The following SEC23A variants were observed in gnomAD, a reference collection of about 807,000 sequenced individuals.
SEC23A encodes protein transport protein Sec23A.
SEC23A carries 56 observed loss-of-function variants against 103.7 expected under a neutral mutation model. That is an observed-to-expected ratio of 0.54 (90% confidence interval 0.44 to 0.67). SEC23A has a LOEUF of 0.67. SEC23A is among the 30% of genes least tolerant of loss of function. SEC23A has a pLI of 0.00. For synonymous variants in SEC23A, 281 were observed against 293.0 expected (o/e 0.96, Z 0.42); for missense variants, 784 against 936.4 (o/e 0.84, Z 2.12).
At chr14:39,072,222 ACT>A (rs1886864053) in intron 9 of SEC23A, among the ~76,000 whole-genome samples, 1 of 151,518 alleles carries the variant, frequency 6.6e-6, no homozygotes, top group Non-Finnish European at 1.5e-5. Flanking sequence ...ACAAAGTGAG[ACT>A]CTGTCTCAAA....
At chr14:39,041,137 T>C in intron 17 of SEC23A, 1 of 337,300 alleles carries the variant, frequency 3.0e-6, no homozygotes, top group Non-Finnish European at 5.3e-6. Context: ...TTTAAAACAC[T>C]ATGCTTATCA....
rs1393497306 is a variant in SEC23A at position 39,094,263 on chromosome 14, TGCATATATAC to T, written c.222-1029_222-1020del. Among the ~76,000 whole-genome samples the T allele has an allele frequency of 6.3e-5, 6 of 94,620 alleles. No individual in the cohort carries two copies. In the East Asian group the frequency reaches 1.7e-3, roughly 27 times the overall value. The allele number at this position is 94,620 out of a possible 152,430, so 62.1% of individuals were successfully genotyped here. A position where few individuals can be genotyped will look rare whatever the true frequency, so the allele number is the denominator to read the frequency against. Reference sequence around the variant, plus strand: ...GCATATATACACATATACATATATATGCATATATACACATATACACATATATATGCATATA... The same window carrying T: ...GCATATATACACATATACATATATATACATATACACATATATATGCATATA... On this transcript the variant is annotated intron_variant, in intron 2 of 19. Coordinates refer to ENST00000307712, the MANE Select transcript of SEC23A (RefSeq NM_006364.4).
At chr14:39,047,335 A>C (rs767718267) in intron 15 of SEC23A, 126 of 1,218,330 alleles carry the variant, frequency 1.0e-4, no homozygotes, top group Middle Eastern at 4.4e-4. Context: ...AGTTTCTGCT[A>C]CAAAAATGAC....
chr14:39,044,494 T>C (rs1307525257), intron 16 of SEC23A, among the ~76,000 whole-genome samples: 1 of 152,174 alleles, frequency 6.6e-6, no homozygotes, highest in African/African-American at 2.4e-5. Context: ...TGAGGGATCA[T>C]TAATCAATAG....
At chr14:39,041,630 G>A (rs950312149) in intron 17 of SEC23A, among the ~76,000 whole-genome samples, 1 of 151,876 alleles carries the variant, frequency 6.6e-6, no homozygotes, top group African/African-American at 2.4e-5. Context: ...AGCACTTCGG[G>A]AAGCCAACAC....
At chr14:39,095,059 T>C (rs1887838201) in intron 2 of SEC23A, 2 of 685,670 alleles carry the variant, frequency 2.9e-6, no homozygotes, top group Non-Finnish European at 5.3e-6. Flanking sequence ...GGTAGGAGGA[T>C]ATTGAAATTG....
At chr14:39,051,657 T>C (rs1442958945) in intron 14 of SEC23A, among the ~76,000 whole-genome samples, 2 of 152,104 alleles carry the variant, frequency 1.3e-5, no homozygotes, top group African/African-American at 4.8e-5. Flanking sequence ...TGAAATACTA[T>C]GCAGCCATAA....
chr14:39,088,499 C>A (rs536505563), intron 5 of SEC23A: 1 of 150,802 alleles, frequency 6.6e-6, no homozygotes, highest in Non-Finnish European at 1.5e-5. Context: ...TTTGGGAGGT[C>A]AAGGTGGGCA....
chr14:39,036,320 CA>C (rs59018206), intron 19 of SEC23A, among the ~76,000 whole-genome samples: 575 of 69,838 alleles, frequency 8.2e-3, no homozygotes, highest in African/African-American at 0.026. Context: ...GACTCCGTCT[CA>C]AAAAAAAAAA....
chr14:39,066,581 C>A (rs1886676625), intron 10 of SEC23A, among the ~76,000 whole-genome samples: 1 of 151,564 alleles, frequency 6.6e-6, no homozygotes, highest in Admixed American at 6.6e-5. Flanking sequence ...AATGATAGAA[C>A]AGGCCAGACG....
intron 13 of SEC23A, among the ~76,000 whole-genome samples, chr14:39,057,070 T>C (rs1886275518): frequency 6.6e-6 from 1 of 151,906 alleles, no homozygotes; most frequent in African/African-American, 2.4e-5. Context: ...TCACAACACT[T>C]TGGGAGGCTG....
In SEC23A at chr14:39,103,151, A is replaced by C. The variant is rs1217587602; in HGVS notation, c.-141T>G. On this transcript the variant is annotated 5_prime_UTR_variant, in exon 1 of 20. Coordinates refer to ENST00000307712, the MANE Select transcript of SEC23A (RefSeq NM_006364.4). ...CCGCCCAGCAGGAGCAGTCCGTGGC[A>C]CCGCAATCAGGGGTGGCGCCACCCC... 1 of 150,670 alleles carries C rather than the reference A, an allele frequency of 6.6e-6. No individual in the cohort carries two copies. The highest frequency in any genetic ancestry group is 2.4e-5 in the African/African-American group (1 of 40,870). 9.3% of individuals were successfully genotyped at this position (150,670 alleles called of 1,614,324 possible).
In SEC23A at chr14:39,094,418, ATATATATATATATATATATATATATT is replaced by A. The variant is rs1566515013; in HGVS notation, c.222-1200_222-1175del. 6.7e-4 allele frequency among the ~76,000 whole-genome samples: 40 copies of A among 59,268 alleles called. 4 individuals carry two copies. Among genetic ancestry groups the A allele is most frequent in the African/African-American group, 2.6e-3 (18 of 7,000 alleles). The allele number at this position is 59,268 out of a possible 152,430, so 38.9% of individuals were successfully genotyped here. On this transcript the variant is annotated intron_variant, in intron 2 of 19. Coordinates refer to ENST00000307712, the MANE Select transcript of SEC23A (RefSeq NM_006364.4). ...CACACATATATATATATATATATAT[ATATATATATATATATATATATATATT>A]TTTTTTTTTTTTTTTTCCCCTCCTG...
At chr14:39,049,685 G>A (rs1416837877) in intron 14 of SEC23A, among the ~76,000 whole-genome samples, 2 of 151,892 alleles carry the variant, frequency 1.3e-5, no homozygotes, top group East Asian at 3.9e-4. Context: ...GGCTATGGTA[G>A]GAGGATTGCT....
intron 11 of SEC23A, 124 bp from the exon 12 acceptor site, chr14:39,063,537 G>C: frequency 3.3e-6 from 2 of 612,538 alleles, no homozygotes; most frequent in South Asian, 4.2e-5. Flanking sequence ...ATTCAACAAT[G>C]TTAAGAGCTT....
Position 39,076,070 on chromosome 14 carries a change from A to G in SEC23A, c.852T>C (p.Ala284=). 1 of 1,613,452 alleles carries G rather than the reference A, an allele frequency of 6.2e-7. No homozygotes were observed. Among genetic ancestry groups the G allele is most frequent in the South Asian group, 1.1e-5 (1 of 90,980 alleles). The change falls in exon 8 of 20, where the codon GCT becomes GCC. Residue 284 remains alanine (A), a synonymous_variant. Coordinates refer to ENST00000307712, the MANE Select transcript of SEC23A (RefSeq NM_006364.4). ...GACCACCAATGAACATCATGATACG[A>G]GCACCAGTGTTGGGAAAAGTACACT... is the stretch of plus-strand genomic sequence containing the variant. The part of the protein sequence containing the change: ...LLECTFPNTG[A]RIMMFIGGPA...
chr14:39,066,602 T>A (rs1046633360), intron 10 of SEC23A, among the ~76,000 whole-genome samples: 7 of 152,134 alleles, frequency 4.6e-5, no homozygotes, highest in Admixed American at 1.3e-4. Flanking sequence ...TGGTGGCTCA[T>A]GTCTGTAATC....
At chr14:39,097,744 G>C (rs1887936240) in intron 1 of SEC23A, among the ~76,000 whole-genome samples, 1 of 152,096 alleles carries the variant, frequency 6.6e-6, no homozygotes, top group Non-Finnish European at 1.5e-5. Flanking sequence ...GTTTTTCAAA[G>C]GTGCATAAAG....
intron 14 of SEC23A, among the ~76,000 whole-genome samples, chr14:39,053,763 T>C (rs905583148): frequency 1.8e-4 from 27 of 152,096 alleles, no homozygotes; most frequent in Non-Finnish European, 3.4e-4. Context: ...CTCAAAAGGG[T>C]GTTTAAGCTA....
Sources: allele counts gnomAD v4.1 joint callset (sites outside exome capture counted in the v4.1 genomes callset), GRCh38; gene constraint gnomAD v4.1.1; transcripts MANE v1.5; gene names NCBI Gene and HGNC (gene_info 2026-07-23, HGNC 2026-07-21).